The following THSD7A variants were observed in gnomAD, a reference collection of about 807,000 sequenced individuals.
THSD7A encodes thrombospondin type-1 domain-containing protein 7A.
A neutral mutation model predicts 231.3 loss-of-function variants in THSD7A; 96 were observed. The observed-to-expected ratio is 0.41, with a 90% CI of 0.35 to 0.49. The LOEUF (loss-of-function observed/expected upper bound fraction) is 0.49. Among genes scored for constraint, THSD7A ranks in the 20% least tolerant of loss-of-function variants. The probability of loss-of-function intolerance (pLI) is 0.05; values close to 1 mark genes in which losing one functional copy is unlikely to be tolerated. For synonymous variants in THSD7A, 940 were observed against 743.3 expected (o/e 1.26, Z -4.30); for missense variants, 2,290 against 2,070.2 (o/e 1.11, Z -2.06).
rs1287336649 is a variant in THSD7A, at chr7:11,377,250, G to T, written c.4802-593C>A. ...AACTGGTTTGGTTAACATATAAAAG[G>T]ATCTATAAATAATTTTTTTTCTACC... On this transcript the variant is annotated intron_variant, in intron 26 of 27. Transcript: ENST00000423059. This position sits in a 1 kb window ranked among gnomAD's most constrained non-coding sequence, Gnocchi z 4.5. Among the ~76,000 whole-genome samples the T allele has an allele frequency of 6.6e-6, 1 of 151,824 alleles. No homozygotes were observed. Among genetic ancestry groups the T allele is most frequent in the Non-Finnish European group, 1.5e-5 (1 of 67,914 alleles).
Position 11,636,748 on chromosome 7 carries a change from A to G in THSD7A, c.404T>C (p.Val135Ala), listed in dbSNP as rs371923836. 1 of 1,613,824 alleles carries G rather than the reference A, an allele frequency of 6.2e-7. No individual in the cohort carries two copies. Among genetic ancestry groups the G allele is most frequent in the Non-Finnish European group, 8.5e-7 (1 of 1,179,886 alleles). Residue 135 changes from valine to alanine, a missense_variant, in exon 2 of 28, where the codon GTG becomes GCG. Transcript: ENST00000423059. This position sits in a 1 kb window ranked among gnomAD's most constrained non-coding sequence, Gnocchi z 10.0. ...AGGTTTCTCTAGGCTTTTTGAAATC[A>G]CGGGCTGACACTGATTCCAAGGTCC... ...RLGPWNQCQP[V>A]ISKSLEKPLE... is the part of the protein sequence containing the mutation.
intron 1 of THSD7A, chr7:11,820,962 A>G (rs1375262334): frequency 4.8e-6 from 5 of 1,037,812 alleles, no homozygotes; most frequent in South Asian, 3.0e-5. Context: ...ATGACGTTCA[A>G]TATCAAGGCG....
chr7:11,667,358 A>G (rs1783180240), intron 1 of THSD7A, among the ~76,000 whole-genome samples: 1 of 152,080 alleles, frequency 6.6e-6, no homozygotes, highest in Admixed American at 6.6e-5. Context: ...TCTGTTCACA[A>G]TTCTTTTAGA....
chr7:11,489,622 C>A (rs1168836551), intron 6 of THSD7A, among the ~76,000 whole-genome samples: 1 of 152,040 alleles, frequency 6.6e-6, no homozygotes, highest in African/African-American at 2.4e-5. Flanking sequence ...ATGGACTAAT[C>A]ATAGAGAAAA....
intron 4 of THSD7A, among the ~76,000 whole-genome samples, chr7:11,585,729 T>C (rs944898452): frequency 6.6e-6 from 1 of 152,098 alleles, no homozygotes; most frequent in African/African-American, 2.4e-5. Context: ...GTGGGAACTG[T>C]GGCTGGACAA....
chr7:11,764,113 C>A, intron 1 of THSD7A, among the ~76,000 whole-genome samples: 1 of 152,130 alleles, frequency 6.6e-6, no homozygotes, highest in Non-Finnish European at 1.5e-5. Context: ...TTCTAAGAAA[C>A]CAAATTTTAT....
chr7:11,701,594 T>C (rs1239986202), intron 1 of THSD7A, among the ~76,000 whole-genome samples: 1 of 151,140 alleles, frequency 6.6e-6, no homozygotes, highest in Non-Finnish European at 1.5e-5. Flanking sequence ...TCTAGCTTAG[T>C]GCTTTTCAAA....
intron 8 of THSD7A, among the ~76,000 whole-genome samples, chr7:11,471,228 A>G (rs1442199041): frequency 1.3e-5 from 2 of 152,020 alleles, no homozygotes; most frequent in East Asian, 3.9e-4. Context: ...CATGTAAGCT[A>G]ACAGGCAATG....
intron 4 of THSD7A, among the ~76,000 whole-genome samples, chr7:11,565,145 TAAC>T (rs1790254067): frequency 6.6e-6 from 1 of 152,172 alleles, no homozygotes; most frequent in African/African-American, 2.4e-5. Flanking sequence ...ACGATGTCCC[TAAC>T]AACAAAAACA....
chr7:11,472,956 T>G (rs1046799907), intron 8 of THSD7A, among the ~76,000 whole-genome samples: 8 of 152,192 alleles, frequency 5.3e-5, no homozygotes, highest in Admixed American at 4.6e-4. Flanking sequence ...GGACATCTGC[T>G]CTTGCTGTTA....
At chr7:11,428,346 C>T (rs112526064) in intron 14 of THSD7A, among the ~76,000 whole-genome samples, 24 of 152,144 alleles carry the variant, frequency 1.6e-4, no homozygotes, top group East Asian at 1.2e-3. Flanking sequence ...TAGAACAGAA[C>T]GACAACTATT....
At chr7:11,582,546 C>A (rs1791212050) in intron 4 of THSD7A, among the ~76,000 whole-genome samples, 2 of 152,054 alleles carry the variant, frequency 1.3e-5, no homozygotes, top group South Asian at 4.1e-4. Flanking sequence ...TTTAATCAAT[C>A]TTTCTTGGTT....
At chr7:11,460,558 G>T in intron 11 of THSD7A, 104 bp downstream of exon 11, 1 of 812,408 alleles carries the variant, frequency 1.2e-6, no homozygotes. Flanking sequence ...ATTTATATCT[G>T]CTTTGCTCTG....
rs1313630802 is a variant in THSD7A at position 11,446,273 on chromosome 7, A to G, written c.2852T>C (p.Ile951Thr). The G allele has an allele frequency of 5.6e-6, 9 of 1,613,280 alleles. 1 individual carries two copies. In the South Asian group the frequency reaches 9.9e-5, roughly 18 times the overall value. Residue 951 changes from isoleucine (I) to threonine (T), a missense_variant, in exon 13 of 28, where the codon ATT (isoleucine) becomes ACT (threonine). Coordinates refer to ENST00000423059, the MANE Select transcript of THSD7A (RefSeq NM_015204.3). This position sits in a 1 kb window ranked among gnomAD's most constrained non-coding sequence, Gnocchi z 4.0. The stretch of plus-strand genomic sequence containing the variant: ...GTCACAAGGACAATACTGAGTCTCA[A>G]TCAGGGGATACAAATGGGAATTTTT... ...KCKNSHLYPL[I>T]ETQYCPCDKY...
In THSD7A at chr7:11,406,466, C is replaced by G. The variant is rs368923462; in HGVS notation, c.4071G>C (p.Gln1357His). The change falls in exon 22 of 28, where the codon CAG becomes CAC. Residue 1357 changes from glutamine to histidine, a missense_variant. Transcript: ENST00000423059. The surrounding 1 kb of genome is among the most constrained non-coding windows in gnomAD (Gnocchi z 4.7). ...TCCTTGTTCTGGTCCCTTCTCCACA[C>G]TGGGCCTCCTGGAATGGAGGAAGAA... is the stretch of plus-strand genomic sequence containing the variant. The part of the protein sequence containing the change: ...QWSPCQVQEA[Q>H]CGEGTRTRNI... The G allele has an allele frequency of 3.7e-6, 6 of 1,606,798 alleles. No individual in the cohort carries two copies. The African/African-American group carries it at 8.1e-5, about 22-fold the overall frequency.
intron 16 of THSD7A, 132 bp from the exon 17 acceptor site, chr7:11,417,735 G>A (rs1784010530): frequency 4.6e-6 from 4 of 869,658 alleles, no homozygotes; most frequent in Non-Finnish European, 6.7e-6. Flanking sequence ...GTGGGGAGTA[G>A]GAAGCTTTGT....
At chr7:11,447,046 G>A (rs763944079) in intron 12 of THSD7A, among the ~76,000 whole-genome samples, 184 bp downstream of exon 12, 1 of 152,040 alleles carries the variant, frequency 6.6e-6, no homozygotes, top group Non-Finnish European at 1.5e-5. Flanking sequence ...CAATTTTCAA[G>A]CCTTCCTTTT....
chr7:11,645,157 A>G (rs1020163297), intron 1 of THSD7A, among the ~76,000 whole-genome samples: 2 of 151,894 alleles, frequency 1.3e-5, no homozygotes, highest in Non-Finnish European at 2.9e-5. Flanking sequence ...GCCCAAATCC[A>G]CTGTTATTTT....
chr7:11,576,873 G>T (rs17164813), intron 4 of THSD7A, among the ~76,000 whole-genome samples: 45,245 of 152,050 alleles, frequency 0.3, 6,848 homozygotes, highest in Middle Eastern at 0.43. Flanking sequence ...TCAGCTAATA[G>T]GATGCACTTC....
Sources: allele counts gnomAD v4.1 joint callset (sites outside exome capture counted in the v4.1 genomes callset), GRCh38; gene constraint gnomAD v4.1.1; non-coding constraint Gnocchi (gnomAD v3.1); transcripts MANE v1.5; gene names NCBI Gene and HGNC (gene_info 2026-07-23, HGNC 2026-07-21).